The following POLR3B variants were observed in gnomAD, a reference collection of about 807,000 sequenced individuals.
POLR3B encodes DNA-directed RNA polymerase III subunit RPC2.
In POLR3B, 96 loss-of-function variants were observed where a neutral mutation model predicts 147.4. That is an observed-to-expected ratio of 0.65 (90% CI 0.55 to 0.77). The LOEUF (loss-of-function observed/expected upper bound fraction) is 0.77, where lower values mean the gene tolerates loss of function less well. Ranked by LOEUF, POLR3B falls within the 30% of genes least tolerant of loss-of-function variation. The pLI is 0.00. For missense variants in POLR3B, 1,036 were observed against 1,413.5 expected (o/e 0.73, Z 4.28); for synonymous variants, 461 against 485.9 (o/e 0.95, Z 0.67).
Position 106,504,827 on chromosome 12 carries a change from G to A in POLR3B, c.3272+573G>A, listed in dbSNP as rs1309765236. ...CGGGTCTGTCTCAGTAATTTATTCA[G>A]CAAACATGTAGTAAGTATCTGCTAA... is the stretch of plus-strand genomic sequence containing the variant. On this transcript the variant is annotated intron_variant, in intron 27 of 27. Coordinates refer to ENST00000228347, the MANE Select transcript of POLR3B (RefSeq NM_018082.6). The surrounding 1 kb of genome is among the most constrained non-coding windows in gnomAD (Gnocchi z 4.6). Among the ~76,000 whole-genome samples the A allele has an allele frequency of 6.6e-6, 1 of 152,140 alleles. No individual in the cohort carries two copies. Among genetic ancestry groups the A allele is most frequent in the Non-Finnish European group, 1.5e-5 (1 of 68,034 alleles).
chr12:106,378,968 T>G (rs2036720356), intron 8 of POLR3B, among the ~76,000 whole-genome samples: 1 of 152,182 alleles, frequency 6.6e-6, no homozygotes, highest in African/African-American at 2.4e-5. Context: ...GTGGCATAGA[T>G]AAGATGTGAG....
chr12:106,381,959 C>A (rs867592849), intron 9 of POLR3B: 4 of 152,218 alleles, frequency 2.6e-5, no homozygotes, highest in Admixed American at 6.5e-5. Context: ...CCTGACGTTG[C>A]CATGGCACTT....
intron 23 of POLR3B, among the ~76,000 whole-genome samples, chr12:106,486,301 A>G (rs2038338614): frequency 6.6e-6 from 1 of 150,758 alleles, no homozygotes; most frequent in African/African-American, 2.4e-5. Context: ...AAAAAAAAAA[A>G]AAAAAAAAAA....
intron 6 of POLR3B, among the ~76,000 whole-genome samples, chr12:106,373,541 G>T (rs1421168560): frequency 6.6e-6 from 1 of 152,116 alleles, no homozygotes; most frequent in Non-Finnish European, 1.5e-5. Context: ...ATCACCTGAG[G>T]TTGGGAGTTC....
chr12:106,365,873 A>AAT (rs542864518), intron 2 of POLR3B, among the ~76,000 whole-genome samples: 31 of 131,452 alleles, frequency 2.4e-4, no homozygotes, highest in East Asian at 6.1e-4. Context: ...AAAAAAAAAA[A>AAT]TTTTTTTTTT....
intron 9 of POLR3B, among the ~76,000 whole-genome samples, chr12:106,388,324 C>CTTT (rs35512078): frequency 6.8e-6 from 1 of 147,614 alleles, no homozygotes; most frequent in Non-Finnish European, 1.5e-5. Flanking sequence ...GGAAATTTAT[C>CTTT]TTTTTTTTTT....
chr12:106,457,099 T>C, intron 20 of POLR3B, 39 bp from the exon 21 acceptor site: 1 of 1,574,654 alleles, frequency 6.4e-7, no homozygotes, highest in Admixed American at 1.7e-5. Flanking sequence ...TAGCTTTGGG[T>C]TACTGGTGGT....
Position 106,369,633 on chromosome 12 carries a change from A to AC in POLR3B, c.354_355insC (p.Tyr119LeufsTer24). ...CTGCCCCTATTACAGTGGATATTGA[A>AC]TATACCCGAGGCAGCCAGAGGATCA... On this transcript the variant is annotated frameshift_variant, in exon 6 of 28. Coordinates refer to ENST00000228347, the MANE Select transcript of POLR3B (RefSeq NM_018082.6). LOFTEE classifies it high-confidence loss of function. 1 of 1,613,608 alleles carries AC rather than the reference A, an allele frequency of 6.2e-7. No individual in the cohort carries two copies. The highest frequency in any genetic ancestry group is 8.5e-7 in the Non-Finnish European group (1 of 1,179,530).
chr12:106,378,479 C>T, intron 8 of POLR3B, 95 bp downstream of exon 8: 1 of 721,134 alleles, frequency 1.4e-6, no homozygotes, highest in Non-Finnish European at 2.4e-6. Flanking sequence ...AGTTATTACC[C>T]TCTAAAAGCA....
chr12:106,462,260 CT>C (rs1565903827), intron 22 of POLR3B, among the ~76,000 whole-genome samples: 1 of 151,854 alleles, frequency 6.6e-6, no homozygotes, highest in East Asian at 1.9e-4. Flanking sequence ...GTGATTTTTT[CT>C]TTTTGAGACG....
intron 10 of POLR3B, among the ~76,000 whole-genome samples, chr12:106,395,924 C>G: frequency 6.6e-6 from 1 of 152,050 alleles, no homozygotes; most frequent in East Asian, 1.9e-4. Flanking sequence ...GAGCCAAGAT[C>G]GCGCCACTGC....
chr12:106,364,113 C>T (rs1231879564), intron 2 of POLR3B, among the ~76,000 whole-genome samples: 1 of 152,198 alleles, frequency 6.6e-6, no homozygotes, highest in African/African-American at 2.4e-5. Context: ...AGTAGTAGTA[C>T]ATGCACAGTA....
intron 19 of POLR3B, among the ~76,000 whole-genome samples, chr12:106,452,572 G>C (rs934074602): frequency 6.6e-6 from 1 of 152,098 alleles, no homozygotes; most frequent in African/African-American, 2.4e-5. Context: ...GCTGAGTAAG[G>C]TATACAATTG....
intron 1 of POLR3B, among the ~76,000 whole-genome samples, chr12:106,358,627 G>T (rs1393763679): frequency 6.6e-6 from 1 of 152,184 alleles, no homozygotes; most frequent in African/African-American, 2.4e-5. Flanking sequence ...CTACACTGAC[G>T]TGGAATAGGG....
intron 27 of POLR3B, among the ~76,000 whole-genome samples, chr12:106,506,340 GA>G (rs202210952): frequency 0.012 from 1,860 of 152,200 alleles, 32 homozygotes; most frequent in African/African-American, 0.041. Context: ...ATTAAAAATA[GA>G]GGTCATGGAA....
At chr12:106,393,667 A>C (rs2036944654) in intron 10 of POLR3B, among the ~76,000 whole-genome samples, 1 of 151,840 alleles carries the variant, frequency 6.6e-6, no homozygotes. Flanking sequence ...ACCCAGGATC[A>C]GTCCCTTTTA....
intron 22 of POLR3B, among the ~76,000 whole-genome samples, chr12:106,461,788 TCA>T (rs1418908468): frequency 1.3e-5 from 2 of 152,120 alleles, no homozygotes; most frequent in African/African-American, 2.4e-5. Flanking sequence ...GTCTAATCAC[TCA>T]CTCTTAGCCT....
intron 16 of POLR3B, among the ~76,000 whole-genome samples, chr12:106,436,621 A>G (rs2037580056): frequency 6.6e-6 from 1 of 152,124 alleles, no homozygotes; most frequent in African/African-American, 2.4e-5. Context: ...TTGCCTGTTA[A>G]CTCCATGAGT....
intron 22 of POLR3B, among the ~76,000 whole-genome samples, chr12:106,462,796 G>A (rs983638768): frequency 3.3e-5 from 5 of 152,106 alleles, no homozygotes; most frequent in African/African-American, 1.2e-4. Flanking sequence ...ACCCACTCTG[G>A]TCAGGTCTCA....
Sources: gnomAD v4.1 joint callset for allele counts (sites outside exome capture counted in the v4.1 genomes callset) on GRCh38, gnomAD v4.1.1 for gene constraint, Gnocchi (gnomAD v3.1) non-coding constraint, MANE v1.5 for transcripts, NCBI Gene and HGNC (gene_info 2026-07-23, HGNC 2026-07-21) for gene names.